The following MCF2L2 variants were observed in gnomAD, a reference collection of about 807,000 sequenced individuals.
MCF2L2 encodes MCF.2 cell line derived transforming sequence-like 2.
A neutral mutation model predicts 150.2 loss-of-function variants in MCF2L2; 102 were observed. The ratio of observed to expected loss-of-function variants is 0.68; its 90% CI spans 0.58 to 0.80. The LOEUF (loss-of-function observed/expected upper bound fraction) is 0.80. Ranked by LOEUF, MCF2L2 falls within the 30% of genes least tolerant of loss-of-function variation. The probability of loss-of-function intolerance (pLI) is 0.00; values close to 1 mark genes in which losing one functional copy is unlikely to be tolerated. For synonymous variants in MCF2L2, 465 were observed against 491.3 expected, an observed-to-expected ratio of 0.95 and a Z score of 0.71; for missense variants, 1,256 against 1,372.8, an observed-to-expected ratio of 0.91 and a Z score of 1.34.
chr3:183,216,578 ATATTTTTTTTTTTTTTTTTTTTTTTTTT>A (rs1722947239), intron 21 of MCF2L2, among the ~76,000 whole-genome samples: 1 of 6,766 alleles, frequency 1.5e-4, no homozygotes, highest in African/African-American at 3.9e-4. Flanking sequence ...ATATATATAT[ATATTTTTTTTTTTTTTTTTTTTTTTTTT>A]TTTTTTTTTT....
In MCF2L2 at chr3:183,179,511, T is replaced by G. The variant is rs1553878792; in HGVS notation, c.3222-8A>C. On this transcript the variant is annotated splice_polypyrimidine_tract_variant and splice_region_variant and intron_variant, in intron 29 of 29. Transcript: ENST00000328913. This position sits in a 1 kb window ranked among gnomAD's most constrained non-coding sequence, Gnocchi z 4.2. ...TCGGTGCTGCGGGTCGCCCTGCAATTCCGAGAAGAAAGTCAGAGACGCCGT... is the reference window on the plus strand; with the variant it reads ...TCGGTGCTGCGGGTCGCCCTGCAATGCCGAGAAGAAAGTCAGAGACGCCGT... 15 of 1,610,574 alleles carry G rather than the reference T, an allele frequency of 9.3e-6. 1 individual carries two copies. In the South Asian group the frequency reaches 1.5e-4, roughly 17 times the overall value.
At chr3:183,392,644 G>GGCCAGCTGCAACAGATCAT (rs1560054792) in intron 1 of MCF2L2, among the ~76,000 whole-genome samples, 1 of 152,138 alleles carries the variant, frequency 6.6e-6, no homozygotes, top group Non-Finnish European at 1.5e-5. Flanking sequence ...GACCCAACCT[G>GGCCAGCTGCAACAGATCAT]GCCAGCTGCA....
Position 183,179,109 on chromosome 3 carries a change from T to A in MCF2L2, c.*271A>T, listed in dbSNP as rs541389520. 2,475 of 375,504 alleles carry A rather than the reference T, an allele frequency of 6.6e-3. 136 individuals carry two copies. The Admixed American group carries it at 0.076, about 11-fold the overall frequency. The allele number at this position is 375,504 out of a possible 1,614,324, so 23.3% of individuals were successfully genotyped here. A position where few individuals can be genotyped will look rare whatever the true frequency, so the allele number is the denominator to read the frequency against. On this transcript the variant is annotated 3_prime_UTR_variant, in exon 30 of 30. Coordinates refer to ENST00000328913, the MANE Select transcript of MCF2L2 (RefSeq NM_015078.4). This position sits in a 1 kb window ranked among gnomAD's most constrained non-coding sequence, Gnocchi z 4.2. ...CAGCAAAGAATTGCCCGGCTCCGAA[T>A]ATCGAAGTGCGCGGTCGAGAAGGCG...
At chr3:183,314,126 C>T (rs1240752428) in intron 7 of MCF2L2, among the ~76,000 whole-genome samples, 1 of 152,196 alleles carries the variant, frequency 6.6e-6, no homozygotes, top group Non-Finnish European at 1.5e-5. Context: ...AGAGTGAAAT[C>T]ACAGAGAAAA....
chr3:183,204,786 G>T (rs59755694), intron 25 of MCF2L2, among the ~76,000 whole-genome samples: 3,819 of 152,212 alleles, frequency 0.025, 146 homozygotes, highest in African/African-American at 0.087. Context: ...GATAAACAAA[G>T]ATGGTATATC....
intron 1 of MCF2L2, among the ~76,000 whole-genome samples, chr3:183,427,278 C>T (rs2108639455): frequency 6.6e-6 from 1 of 152,332 alleles, no homozygotes; most frequent in Non-Finnish European, 1.5e-5. Context: ...ATTTCAGGAG[C>T]AAGCAATGCA....
intron 27 of MCF2L2, among the ~76,000 whole-genome samples, chr3:183,189,016 A>T (rs1017525265): frequency 1.3e-5 from 2 of 152,114 alleles, no homozygotes; most frequent in African/African-American, 4.8e-5. Context: ...GTACTTTCTA[A>T]CCTGAAGGGG....
At chr3:183,225,859 G>A (rs1576938434) in intron 18 of MCF2L2, 2 of 152,250 alleles carry the variant, frequency 1.3e-5, no homozygotes, top group South Asian at 4.1e-4. Flanking sequence ...CACAACAACT[G>A]TACATATTGG....
chr3:183,353,571 C>T (rs1458822759), intron 3 of MCF2L2, among the ~76,000 whole-genome samples: 4 of 152,118 alleles, frequency 2.6e-5, no homozygotes, highest in African/African-American at 7.2e-5. Context: ...GGGGCAGGCA[C>T]GTCTTATCGT....
chr3:183,232,169 G>C (rs1273060795), intron 15 of MCF2L2, among the ~76,000 whole-genome samples: 1 of 152,170 alleles, frequency 6.6e-6, no homozygotes, highest in Non-Finnish European at 1.5e-5. Flanking sequence ...GGGCCAGATG[G>C]AATGGAATGT....
At chr3:183,331,341 AC>A (rs1253653834) in intron 5 of MCF2L2, among the ~76,000 whole-genome samples, 1 of 152,080 alleles carries the variant, frequency 6.6e-6, no homozygotes, top group Non-Finnish European at 1.5e-5. Context: ...GCGTGAGGTG[AC>A]CCCGACCCCT....
chr3:183,253,232 G>A, intron 15 of MCF2L2: 1 of 139,716 alleles, frequency 7.2e-6, no homozygotes, highest in Non-Finnish European at 1.6e-5. Flanking sequence ...GCCCCCGCCC[G>A]GGCCCGCCCC....
At chr3:183,184,401 T>C (rs370736606) in intron 27 of MCF2L2, among the ~76,000 whole-genome samples, 157 of 152,252 alleles carry the variant, frequency 1.0e-3, no homozygotes, top group African/African-American at 3.6e-3. Context: ...TAGTGGTGTG[T>C]TGGAGCAGAT....
At chr3:183,335,730 T>G (rs4859167) in intron 5 of MCF2L2, among the ~76,000 whole-genome samples, 2 of 151,792 alleles carry the variant, frequency 1.3e-5, no homozygotes, top group African/African-American at 4.8e-5. Context: ...CAGCCAGGCA[T>G]GGTGGTGTGT....
At chr3:183,242,371 G>A (rs1347642149) in intron 15 of MCF2L2, among the ~76,000 whole-genome samples, 1 of 152,228 alleles carries the variant, frequency 6.6e-6, no homozygotes, top group Admixed American at 6.5e-5. Context: ...TCCCATCACA[G>A]GCTCAGGCCT....
Position 183,326,863 on chromosome 3 carries a change from G to A in MCF2L2, c.487-3512C>T, listed in dbSNP as rs560313731. 5.9e-5 allele frequency among the ~76,000 whole-genome samples: 9 copies of A among 151,900 alleles called. No individual in the cohort carries two copies. The South Asian group carries it at 6.2e-4, about 11-fold the overall frequency. On this transcript the variant is annotated intron_variant, in intron 5 of 29. Transcript: ENST00000328913. ...CCCCCAAAATCCCTCCCTGAACCCC[G>A]GCAAACACTAATCTGATTTTTTACA...
At chr3:183,224,024 C>T in intron 19 of MCF2L2, 74 bp downstream of exon 19, 1 of 1,086,062 alleles carries the variant, frequency 9.2e-7, no homozygotes, top group Non-Finnish European at 1.4e-6. Flanking sequence ...TCTCCCTAGT[C>T]CCACTTTTGA....
intron 14 of MCF2L2, among the ~76,000 whole-genome samples, chr3:183,278,481 T>C (rs922992844): frequency 3.3e-5 from 5 of 152,156 alleles, no homozygotes; most frequent in Non-Finnish European, 7.3e-5. Flanking sequence ...ACATTTTCTA[T>C]ATAAAGTTGA....
At chr3:183,320,387 C>T (rs73184943) in intron 6 of MCF2L2, among the ~76,000 whole-genome samples, 37,526 of 152,036 alleles carry the variant, frequency 0.25, 5,630 homozygotes, top group East Asian at 0.47. Flanking sequence ...GCCACTGCGC[C>T]GAGCCGAGTA....
Sources: allele counts gnomAD v4.1 joint callset (sites outside exome capture counted in the v4.1 genomes callset), GRCh38; gene constraint gnomAD v4.1.1; non-coding constraint Gnocchi (gnomAD v3.1); transcripts MANE v1.5; gene names NCBI Gene and HGNC (gene_info 2026-07-23, HGNC 2026-07-21).